NTNG1: variants seen among roughly 807,000 people sequenced by gnomAD.
NTNG1 encodes the protein netrin-G1.
In NTNG1, 16 loss-of-function variants were observed where a neutral mutation model predicts 54.0. That is an observed-to-expected ratio of 0.30 (90% CI 0.20 to 0.45). NTNG1 has a LOEUF of 0.45. Among genes scored for constraint, NTNG1 ranks in the 20% least tolerant of loss-of-function variants. The pLI is 1.00. For missense variants in NTNG1, 530 were observed against 678.7 expected, an observed-to-expected ratio of 0.78 and a Z score of 2.43; for synonymous variants, 255 against 263.1, an observed-to-expected ratio of 0.97 and a Z score of 0.30.
chr1:107,243,839 TAGA>T (rs1251874385), intron 2 of NTNG1, among the ~76,000 whole-genome samples: 1 of 152,208 alleles, frequency 6.6e-6, no homozygotes, highest in Non-Finnish European at 1.5e-5. Context: ...GATATACCGA[TAGA>T]AGAAAACTAT....
rs149453062 is a variant in NTNG1, at chr1:107,382,954, T to C, written c.888-12200T>C. The stretch of plus-strand genomic sequence containing the variant: ...AAGGGAGAATTAGAAGAAAGCTATT[T>C]TCCCCAATTTTCCATACCACCCATG... On this transcript the variant is annotated intron_variant, in intron 3 of 7. Coordinates refer to ENST00000370068, the MANE Select transcript of NTNG1 (RefSeq NM_001113226.3). Among the ~76,000 whole-genome samples the C allele has an allele frequency of 3.3e-3, 501 of 152,346 alleles. 9 individuals carry two copies. The highest frequency in any genetic ancestry group is 0.027 in the Admixed American group (409 of 15,308).
At chr1:107,210,044 C>CATCACAGAAAGGGGATGCACTTTGAG (rs1659500060) in intron 2 of NTNG1, among the ~76,000 whole-genome samples, 1 of 152,034 alleles carries the variant, frequency 6.6e-6, no homozygotes, top group East Asian at 1.9e-4. Flanking sequence ...AGGAGAGGAG[C>CATCACAGAAAGGGGATGCACTTTGAG]ATCACAGAAA....
chr1:107,389,942 A>T (rs1283879082), intron 3 of NTNG1, among the ~76,000 whole-genome samples: 3 of 152,210 alleles, frequency 2.0e-5, no homozygotes, highest in Non-Finnish European at 1.5e-5. Flanking sequence ...GGGACGTCAC[A>T]GAAGTCTGCC....
chr1:107,229,832 C>T (rs1402135107), intron 2 of NTNG1, among the ~76,000 whole-genome samples: 1 of 151,962 alleles, frequency 6.6e-6, no homozygotes, highest in East Asian at 1.9e-4. Flanking sequence ...TTGGAAATAG[C>T]GATGATCCTC....
At chr1:107,333,357 A>G (rs933700881) in intron 3 of NTNG1, among the ~76,000 whole-genome samples, 2 of 152,122 alleles carry the variant, frequency 1.3e-5, no homozygotes, top group Admixed American at 1.3e-4. Context: ...ACTGTTTCTC[A>G]GGATGTACTC....
intron 6 of NTNG1, among the ~76,000 whole-genome samples, chr1:107,435,578 T>TA (rs1439128242): frequency 2.6e-5 from 4 of 152,172 alleles, no homozygotes; most frequent in African/African-American, 9.6e-5. Context: ...TAGACCCATC[T>TA]ATAAGGCTAA....
intron 1 of NTNG1, among the ~76,000 whole-genome samples, chr1:107,141,824 C>T (rs1653748662): frequency 6.6e-6 from 1 of 152,230 alleles, no homozygotes; most frequent in Non-Finnish European, 1.5e-5. Flanking sequence ...CCACACACAT[C>T]GCTCAGGCGG....
chr1:107,370,027 T>C (rs753680847), intron 3 of NTNG1, among the ~76,000 whole-genome samples: 4 of 152,118 alleles, frequency 2.6e-5, no homozygotes, highest in Non-Finnish European at 5.9e-5. Context: ...CAAAAATCAG[T>C]TGTGTATATA....
intron 3 of NTNG1, among the ~76,000 whole-genome samples, chr1:107,333,142 A>G (rs1468557622): frequency 6.6e-6 from 1 of 152,026 alleles, no homozygotes; most frequent in Admixed American, 6.6e-5. Flanking sequence ...ATATTGTGCT[A>G]TAAATATATT....
intron 2 of NTNG1, among the ~76,000 whole-genome samples, chr1:107,304,634 T>C (rs1666555141): frequency 6.6e-6 from 1 of 152,226 alleles, no homozygotes; most frequent in South Asian, 2.1e-4. Flanking sequence ...CCAGTTGATA[T>C]TAATTTTCAT....
At chr1:107,357,523 C>G (rs1443762640) in intron 3 of NTNG1, among the ~76,000 whole-genome samples, 3 of 152,140 alleles carry the variant, frequency 2.0e-5, no homozygotes, top group Admixed American at 6.5e-5. Context: ...TTTCATAGTT[C>G]CTTAAAAACT....
intron 7 of NTNG1, among the ~76,000 whole-genome samples, chr1:107,469,889 T>A (rs1354663014): frequency 6.6e-6 from 1 of 152,192 alleles, no homozygotes; most frequent in African/African-American, 2.4e-5. Context: ...TTTAATTAGT[T>A]TAAATTCAAC....
chr1:107,241,563 C>G (rs1044489879), intron 2 of NTNG1, among the ~76,000 whole-genome samples: 1 of 152,152 alleles, frequency 6.6e-6, no homozygotes, highest in Non-Finnish European at 1.5e-5. Flanking sequence ...TTAGAGCGTC[C>G]TGCACTAAAT....
chr1:107,430,576 T>C, intron 5 of NTNG1, 174 bp from the exon 6 acceptor site: 1 of 761,014 alleles, frequency 1.3e-6, no homozygotes, highest in Non-Finnish European at 2.4e-6. Flanking sequence ...TTGAAACAGA[T>C]GCTATTTCCG....
rs949939390 is a variant in NTNG1, at chr1:107,484,304, G to C, written c.*3464G>C. On this transcript the variant is annotated 3_prime_UTR_variant, in exon 8 of 8. Coordinates refer to ENST00000370068, the MANE Select transcript of NTNG1 (RefSeq NM_001113226.3). ...GAAGGAGATAGACAAGGGCTACCAC[G>C]AGGCTGGGGGCCAGTACAGAACACT... Among the ~76,000 whole-genome samples, 1 of 152,192 alleles carries C rather than the reference G, an allele frequency of 6.6e-6. No individual in the cohort carries two copies. Among genetic ancestry groups the C allele is most frequent in the Non-Finnish European group, 1.5e-5 (1 of 68,034 alleles).
intron 3 of NTNG1, among the ~76,000 whole-genome samples, chr1:107,361,392 T>TATATATATATATATATA (rs1553232702): frequency 4.3e-5 from 1 of 23,446 alleles, no homozygotes; most frequent in East Asian, 1.5e-3. Context: ...TATATATATA[T>TATATATATATATATATA]TTTTTTTTTT....
intron 2 of NTNG1, among the ~76,000 whole-genome samples, chr1:107,158,884 T>C (rs1352134898): frequency 1.3e-5 from 2 of 152,162 alleles, no homozygotes; most frequent in African/African-American, 4.8e-5. Flanking sequence ...TGTGCATAGG[T>C]GCCAGAAGAC....
intron 2 of NTNG1, among the ~76,000 whole-genome samples, chr1:107,156,350 T>C (rs1332539271): frequency 6.6e-6 from 1 of 152,164 alleles, no homozygotes; most frequent in African/African-American, 2.4e-5. Flanking sequence ...TTTTTTTCTA[T>C]TTCTAATTAA....
chr1:107,477,364 A>C (rs1318948754), intron 7 of NTNG1, among the ~76,000 whole-genome samples: 1 of 152,200 alleles, frequency 6.6e-6, no homozygotes, highest in African/African-American at 2.4e-5. Context: ...GTACTGTTAG[A>C]GCACCATCAA....
Sources: gnomAD v4.1 joint callset for allele counts (sites outside exome capture counted in the v4.1 genomes callset) on GRCh38, gnomAD v4.1.1 for gene constraint, MANE v1.5 for transcripts, NCBI Gene and HGNC (gene_info 2026-07-23, HGNC 2026-07-21) for gene names.